Variants in NRP1 observed in about 807,000 individuals in gnomAD.
NRP1 encodes the protein neuropilin 1.
A neutral mutation model predicts 106.7 loss-of-function variants in NRP1; 35 were observed. That is an observed-to-expected ratio of 0.33 (90% CI 0.25 to 0.43). The LOEUF (loss-of-function observed/expected upper bound fraction) is 0.43, where lower values mean the gene tolerates loss of function less well. Among genes scored for constraint, NRP1 ranks in the 20% least tolerant of loss-of-function variants. The pLI, the probability that NRP1 is intolerant of heterozygous loss-of-function variation, is 1.00. For missense variants in NRP1, 1,024 were observed against 1,170.4 expected (o/e 0.87, Z 1.83); for synonymous variants, 437 against 417.9 (o/e 1.05, Z -0.56).
intron 3 of NRP1, among the ~76,000 whole-genome samples, chr10:33,268,147 T>C (rs887506188): frequency 6.6e-6 from 1 of 152,170 alleles, no homozygotes; most frequent in Admixed American, 6.5e-5. Flanking sequence ...TGCTTTTGTG[T>C]GTGTGTGTAT....
At chr10:33,245,923 G>A (rs745322200) in intron 6 of NRP1, among the ~76,000 whole-genome samples, 12 of 152,158 alleles carry the variant, frequency 7.9e-5, no homozygotes, top group East Asian at 1.9e-4. Context: ...ATTTGTAAGC[G>A]TAATTCTACC....
chr10:33,183,435 G>A (rs993850721), intron 15 of NRP1, among the ~76,000 whole-genome samples: 2 of 152,076 alleles, frequency 1.3e-5, no homozygotes, highest in Non-Finnish European at 2.9e-5. Context: ...AAGTAGATTC[G>A]TACATATGGT....
chr10:33,208,505 T>C (rs1020186512), intron 9 of NRP1, among the ~76,000 whole-genome samples: 1 of 152,200 alleles, frequency 6.6e-6, no homozygotes, highest in African/African-American at 2.4e-5. Context: ...TCTGAGAAGA[T>C]GGAGCAATGA....
At chr10:33,209,247 C>T (rs1240980283) in intron 9 of NRP1, among the ~76,000 whole-genome samples, 1 of 151,772 alleles carries the variant, frequency 6.6e-6, no homozygotes, top group Non-Finnish European at 1.5e-5. Flanking sequence ...AAACATGTTA[C>T]ATTTAATTTT....
rs1238204468 is a variant in NRP1, at chr10:33,207,563, C to T, written c.1759+9G>A. 1.2e-6 allele frequency: 2 copies of T among 1,613,896 alleles called. No homozygotes were observed. The highest frequency in any genetic ancestry group is 1.7e-6 in the Non-Finnish European group (2 of 1,179,920). On this transcript the variant is annotated intron_variant, in intron 10 of 16. Transcript: ENST00000374867. ...ACGCATGAGAAGTAACTCTGGAGATCATAATTACCTTCCACTTCACAGCCC... is the reference window on the plus strand; with the variant it reads ...ACGCATGAGAAGTAACTCTGGAGATTATAATTACCTTCCACTTCACAGCCC...
intron 6 of NRP1, among the ~76,000 whole-genome samples, chr10:33,226,591 G>GT (rs1473860313): frequency 2.0e-5 from 3 of 152,242 alleles, no homozygotes; most frequent in African/African-American, 7.2e-5. Context: ...TGATAGGACA[G>GT]TGTGAGGGTC....
intron 6 of NRP1, among the ~76,000 whole-genome samples, chr10:33,232,871 C>CTCCTGACCTCAAGTGATCT (rs1840268453): frequency 6.6e-6 from 1 of 151,936 alleles, no homozygotes; most frequent in South Asian, 2.1e-4. Context: ...TGGTCTTGAA[C>CTCCTGACCTCAAGTGATCT]TCCTGACCTC....
intron 2 of NRP1, among the ~76,000 whole-genome samples, chr10:33,321,972 T>C (rs1847541336): frequency 6.6e-6 from 1 of 152,220 alleles, no homozygotes; most frequent in African/African-American, 2.4e-5. Context: ...CAGAAAACTC[T>C]TCCATTTCTC....
At chr10:33,287,131 G>T (rs1844625584) in intron 2 of NRP1, among the ~76,000 whole-genome samples, 1 of 152,028 alleles carries the variant, frequency 6.6e-6, no homozygotes, top group Admixed American at 6.5e-5. Context: ...CAAAAACACA[G>T]GTTAACAGCT....
intron 8 of NRP1, among the ~76,000 whole-genome samples, chr10:33,216,258 C>G (rs1838760211): frequency 6.6e-6 from 1 of 151,586 alleles, no homozygotes; most frequent in Non-Finnish European, 1.5e-5. Flanking sequence ...CTGCCTCAGC[C>G]TCCCGAGTAG....
At chr10:33,241,388 G>A (rs1841004101) in intron 6 of NRP1, among the ~76,000 whole-genome samples, 1 of 152,126 alleles carries the variant, frequency 6.6e-6, no homozygotes, top group Non-Finnish European at 1.5e-5. Context: ...TTCAGCCAGG[G>A]TCACCCAATG....
intron 2 of NRP1, among the ~76,000 whole-genome samples, chr10:33,289,350 C>T (rs1159475880): frequency 6.6e-6 from 1 of 152,136 alleles, no homozygotes; most frequent in Non-Finnish European, 1.5e-5. Context: ...TCTGGGATTT[C>T]GTTACCTAAC....
At chr10:33,332,092 C>T (rs774121675) in intron 1 of NRP1, among the ~76,000 whole-genome samples, 18 of 152,126 alleles carry the variant, frequency 1.2e-4, no homozygotes, top group Non-Finnish European at 1.6e-4. Flanking sequence ...ATGAAGTGCA[C>T]ATCAAAAATG....
chr10:33,223,426 G>A (rs1015854051), intron 7 of NRP1, among the ~76,000 whole-genome samples: 1 of 151,390 alleles, frequency 6.6e-6, no homozygotes, highest in African/African-American at 2.4e-5. Flanking sequence ...TTTGAGACCA[G>A]CCTGGGCAAC....
intron 6 of NRP1, among the ~76,000 whole-genome samples, chr10:33,228,098 T>C (rs1839813539): frequency 6.6e-6 from 1 of 152,164 alleles, no homozygotes; most frequent in African/African-American, 2.4e-5. Context: ...TCCTATAAAA[T>C]TATTTGCTCC....
At chr10:33,300,309 CAT>C (rs768853501) in intron 2 of NRP1, among the ~76,000 whole-genome samples, 55 of 152,144 alleles carry the variant, frequency 3.6e-4, no homozygotes, top group Non-Finnish European at 5.0e-4. Context: ...GAAGGAGAAA[CAT>C]AGTGAAGGAT....
intron 3 of NRP1, among the ~76,000 whole-genome samples, chr10:33,265,778 G>C (rs896224500): frequency 8.5e-5 from 13 of 152,156 alleles, no homozygotes; most frequent in Non-Finnish European, 1.6e-4. Flanking sequence ...ATTTGATTCT[G>C]GTTCAAAAGT....
In NRP1 at chr10:33,334,295, C is replaced by T. The variant is rs773080108; in HGVS notation, c.73+15G>A. On this transcript the variant is annotated intron_variant, in intron 1 of 16. Coordinates refer to ENST00000374867, the MANE Select transcript of NRP1 (RefSeq NM_003873.7). ...CGGGGCGCCGCTGTCACCCGCGCCT[C>T]TGCCTGTCACTTACCGTTGCGAAAA... is the stretch of plus-strand genomic sequence containing the variant. 4.5e-6 allele frequency: 7 copies of T among 1,538,620 alleles called. No homozygotes were observed. The African/African-American group carries it at 5.5e-5, about 12-fold the overall frequency.
At chr10:33,323,665 G>A (rs1356436576) in intron 2 of NRP1, among the ~76,000 whole-genome samples, 1 of 152,132 alleles carries the variant, frequency 6.6e-6, no homozygotes, top group East Asian at 1.9e-4. Flanking sequence ...CAGGATGGAT[G>A]ACAAACACCC....
Sources: allele counts gnomAD v4.1 joint callset (sites outside exome capture counted in the v4.1 genomes callset), GRCh38; gene constraint gnomAD v4.1.1; transcripts MANE v1.5; gene names NCBI Gene and HGNC (gene_info 2026-07-23, HGNC 2026-07-21).